Variants in QTMAN observed in about 807,000 individuals in gnomAD.
QTMAN encodes tRNA-queuosine alpha-mannosyltransferase.
the QTMAN span, among the ~76,000 whole-genome samples, chr2:144,152,251 C>T: frequency 6.6e-6 from 1 of 152,192 alleles, no homozygotes; most frequent in Admixed American, 6.5e-5. Flanking sequence ...TAGGCACAAC[C>T]TGCCACTGAG....
chr2:144,172,214 T>C, the QTMAN span, among the ~76,000 whole-genome samples: 1 of 152,154 alleles, frequency 6.6e-6, no homozygotes, highest in Admixed American at 6.6e-5. Flanking sequence ...TAATTTAAAT[T>C]GCTTAAATTG....
the QTMAN span, among the ~76,000 whole-genome samples, chr2:144,125,289 T>A: frequency 4.6e-5 from 7 of 152,128 alleles, no homozygotes; most frequent in Admixed American, 2.6e-4. Context: ...ACATTTATGA[T>A]TTGAAGAGGC....
At chr2:144,058,962 G>T in the QTMAN span, among the ~76,000 whole-genome samples, 1 of 152,152 alleles carries the variant, frequency 6.6e-6, no homozygotes, top group African/African-American at 2.4e-5. Flanking sequence ...CCAATTTAAT[G>T]TTATGAACTC....
chr2:144,299,564 C>A, the QTMAN span, among the ~76,000 whole-genome samples: 3 of 152,058 alleles, frequency 2.0e-5, no homozygotes, highest in Non-Finnish European at 4.4e-5. Flanking sequence ...CACAGTAAGC[C>A]CTTACTTAAT....
the QTMAN span, among the ~76,000 whole-genome samples, chr2:144,067,258 T>C: frequency 6.6e-6 from 1 of 152,260 alleles, no homozygotes; most frequent in East Asian, 1.9e-4. Context: ...AAGCTTTTGC[T>C]ATTTCTAATA....
chr2:144,208,917 T>C, the QTMAN span: 1 of 594,888 alleles, frequency 1.7e-6, no homozygotes, highest in Non-Finnish European at 2.8e-6. Context: ...TAGCAATGTG[T>C]TATTTTTCAA....
At chr2:144,210,573 T>G in the QTMAN span, among the ~76,000 whole-genome samples, 1 of 152,106 alleles carries the variant, frequency 6.6e-6, no homozygotes, top group Non-Finnish European at 1.5e-5. Context: ...CCTGCAGGTT[T>G]TGTGAGTAAG....
the QTMAN span, among the ~76,000 whole-genome samples, chr2:144,307,473 TCCTA>T: frequency 1.3e-5 from 2 of 152,182 alleles, no homozygotes; most frequent in Admixed American, 6.5e-5. Flanking sequence ...GTAAACAGTG[TCCTA>T]CTCTGTGCTT....
the QTMAN span, among the ~76,000 whole-genome samples, chr2:144,020,734 T>C: frequency 6.6e-6 from 1 of 152,140 alleles, no homozygotes; most frequent in African/African-American, 2.4e-5. Context: ...AAGGGAACTT[T>C]TCCTGTTTCA....
At chr2:144,053,349 T>C in the QTMAN span, among the ~76,000 whole-genome samples, 13 of 152,154 alleles carry the variant, frequency 8.5e-5, no homozygotes, top group Admixed American at 8.5e-4. Flanking sequence ...AAATAAAAAT[T>C]TAGCTGGTTA....
chr2:144,191,061 C>T, the QTMAN span, among the ~76,000 whole-genome samples: 17 of 152,202 alleles, frequency 1.1e-4, no homozygotes, highest in African/African-American at 4.1e-4. Context: ...CAAACCAGAG[C>T]TTCTCTGCCA....
At chr2:144,320,463 G>A in the QTMAN span, among the ~76,000 whole-genome samples, 1 of 152,150 alleles carries the variant, frequency 6.6e-6, no homozygotes, top group Non-Finnish European at 1.5e-5. Context: ...TTACTACAAT[G>A]CAGACAGCTC....
At chr2:143,979,024 A>G in the QTMAN span, among the ~76,000 whole-genome samples, 2 of 152,202 alleles carry the variant, frequency 1.3e-5, no homozygotes, top group East Asian at 3.8e-4. Flanking sequence ...TACCTCTTGG[A>G]TAGAAAGATG....
chr2:144,070,489 C>A, the QTMAN span, among the ~76,000 whole-genome samples: 1 of 152,058 alleles, frequency 6.6e-6, no homozygotes, highest in Non-Finnish European at 1.5e-5. Flanking sequence ...TTCCCTTCCC[C>A]AATTTAGATC....
chr2:143,963,516 G>A, the QTMAN span, among the ~76,000 whole-genome samples: 1 of 150,238 alleles, frequency 6.7e-6, no homozygotes, highest in Non-Finnish European at 1.5e-5. Flanking sequence ...AAATCTCTAT[G>A]GTACTCTTTG....
chr2:143,949,463 T>A, the QTMAN span, among the ~76,000 whole-genome samples: 1 of 151,954 alleles, frequency 6.6e-6, no homozygotes, highest in Non-Finnish European at 1.5e-5. Context: ...AAGTGAACTC[T>A]ATATGATAAG....
the QTMAN span, among the ~76,000 whole-genome samples, chr2:144,246,575 G>A: frequency 6.2e-5 from 6 of 96,582 alleles, no homozygotes; most frequent in East Asian, 5.7e-4. Context: ...GCGAGACTCC[G>A]TCTCAAAAAA....
chr2:144,173,569 C>T, the QTMAN span, among the ~76,000 whole-genome samples: 1 of 152,332 alleles, frequency 6.6e-6, no homozygotes, highest in East Asian at 1.9e-4. Context: ...TCCTCCCCAA[C>T]TGACCCTCAG....
the QTMAN span, among the ~76,000 whole-genome samples, chr2:144,055,645 T>G: frequency 6.6e-6 from 1 of 151,934 alleles, no homozygotes; most frequent in South Asian, 2.1e-4. Flanking sequence ...CAGAAATGGA[T>G]TTAGCTAGAG....
Sources: allele counts gnomAD v4.1 joint callset (sites outside exome capture counted in the v4.1 genomes callset), GRCh38; gene constraint gnomAD v4.1.1; transcripts MANE v1.5; gene names NCBI Gene and HGNC (gene_info 2026-07-23, HGNC 2026-07-21).